Variants in DNAH5 observed in about 807,000 individuals in gnomAD.
DNAH5 encodes the protein axonemal beta dynein heavy chain 5.
A neutral mutation model predicts 518.2 loss-of-function variants in DNAH5; 372 were observed. The ratio of observed to expected loss-of-function variants is 0.72; its 90% CI spans 0.66 to 0.78. The LOEUF (loss-of-function observed/expected upper bound fraction) is 0.78, where lower values mean the gene tolerates loss of function less well. Among genes scored for constraint, DNAH5 ranks in the 30% least tolerant of loss-of-function variants. The pLI is 0.00. For missense variants in DNAH5, 5,523 were observed against 5,687.0 expected (o/e 0.97, Z 0.93); for synonymous variants, 2,039 against 2,025.9 (o/e 1.01, Z -0.17).
rs1192192730 is a variant in DNAH5, at chr5:13,707,840, G to A, written c.13338+283C>T. On this transcript the variant is annotated intron_variant, in intron 76 of 78. Coordinates refer to ENST00000265104, the MANE Select transcript of DNAH5 (RefSeq NM_001369.3). This position sits in a 1 kb window ranked among gnomAD's most constrained non-coding sequence, Gnocchi z 4.0. ...TGTAATCTGAGAAAAGACTTAACCT[G>A]TCCCAAACTTAAGTTTCTCATCTGT... Among the ~76,000 whole-genome samples, 1 of 151,992 alleles carries A rather than the reference G, an allele frequency of 6.6e-6. No homozygotes were observed. Among genetic ancestry groups the A allele is most frequent in the African/African-American group, 2.4e-5 (1 of 41,350 alleles).
chr5:13,810,427 A>G, intron 44 of DNAH5, 167 bp from the exon 45 acceptor site: 1 of 696,866 alleles, frequency 1.4e-6, no homozygotes, highest in Non-Finnish European at 2.5e-6. Flanking sequence ...GATCTCTGAG[A>G]ATAGCAAGCT....
chr5:13,753,290 A>G lies in DNAH5; in HGVS notation c.10815T>C (p.Asp3605=), dbSNP rs766065979. The G allele has an allele frequency of 6.2e-7, 1 of 1,612,642 alleles. No individual in the cohort carries two copies. Among genetic ancestry groups the G allele is most frequent in the Non-Finnish European group, 8.5e-7 (1 of 1,178,634 alleles). The part of the protein sequence containing the change: ...TKASRYPLLI[D]PQTQGKIWIK... ...TCCAGATCTTGCCTTGAGTCTGTGG[A>G]TCAATTAACAAAGGGTAACGAGATG... Residue 3605 remains aspartate, a synonymous_variant, in exon 63 of 79, where the codon GAT becomes GAC. Coordinates refer to ENST00000265104, the MANE Select transcript of DNAH5 (RefSeq NM_001369.3).
chr5:13,973,337 C>A (rs558934413), intron 1 of DNAH5, among the ~76,000 whole-genome samples: 1 of 152,304 alleles, frequency 6.6e-6, no homozygotes, highest in East Asian at 1.9e-4. Flanking sequence ...GCCCTCTAAC[C>A]ACTGTATGAG....
intron 38 of DNAH5, among the ~76,000 whole-genome samples, chr5:13,828,215 G>T (rs935196829): frequency 6.6e-6 from 1 of 152,184 alleles, no homozygotes; most frequent in African/African-American, 2.4e-5. Context: ...CATAGGAAAA[G>T]AACTTTTTAG....
chr5:13,812,868 T>C (rs544598994), intron 43 of DNAH5, among the ~76,000 whole-genome samples: 1 of 152,270 alleles, frequency 6.6e-6, no homozygotes, highest in African/African-American at 2.4e-5. Flanking sequence ...AAGAAACAAT[T>C]AGAGACTCTG....
At chr5:13,812,098 G>A (rs569977050) in intron 43 of DNAH5, among the ~76,000 whole-genome samples, 116 of 152,264 alleles carry the variant, frequency 7.6e-4, no homozygotes, top group African/African-American at 2.8e-3. Flanking sequence ...GGAGCCCACT[G>A]CAAGCAGGTG....
chr5:13,744,376 A>G (rs1749042212), intron 65 of DNAH5, among the ~76,000 whole-genome samples: 1 of 151,948 alleles, frequency 6.6e-6, no homozygotes, highest in African/African-American at 2.4e-5. Flanking sequence ...ATTTGTTAAG[A>G]TACAAAATTA....
Position 13,769,923 on chromosome 5 carries a change from A to G in DNAH5, c.9606-308T>C, listed in dbSNP as rs1314949674. Among the ~76,000 whole-genome samples, 17 of 152,266 alleles carry G rather than the reference A, an allele frequency of 1.1e-4. 1 individual carries two copies. The highest frequency in any genetic ancestry group is 2.5e-4 in the Non-Finnish European group (17 of 68,046). ...AACATACTTAATGACATTAGGCTAA[A>G]TGACAATAGACTTCAAATGCTTAAA... On this transcript the variant is annotated intron_variant, in intron 56 of 78. Coordinates refer to ENST00000265104, the MANE Select transcript of DNAH5 (RefSeq NM_001369.3).
intron 30 of DNAH5, 45 bp downstream of exon 30, chr5:13,859,407 C>A: frequency 6.2e-7 from 1 of 1,609,518 alleles, no homozygotes; most frequent in Non-Finnish European, 8.5e-7. Context: ...GCTCTGAGAG[C>A]TTTCTCTGAA....
intron 40 of DNAH5, among the ~76,000 whole-genome samples, chr5:13,821,210 G>A (rs1762197450): frequency 6.6e-6 from 1 of 152,080 alleles, no homozygotes; most frequent in Non-Finnish European, 1.5e-5. Flanking sequence ...ATATTCGATT[G>A]AATGAACCTC....
chr5:13,943,270 G>A (rs1779627891), intron 1 of DNAH5, among the ~76,000 whole-genome samples: 1 of 152,220 alleles, frequency 6.6e-6, no homozygotes, highest in East Asian at 1.9e-4. Flanking sequence ...ACCAAGCTCT[G>A]TGTTAAAGGA....
chr5:13,701,624 T>C (rs985921375), intron 76 of DNAH5, among the ~76,000 whole-genome samples, 188 bp from the exon 77 acceptor site: 2 of 152,316 alleles, frequency 1.3e-5, no homozygotes, highest in Middle Eastern at 3.4e-3. Context: ...TCCTTAATAA[T>C]AGTAATGCTA....
intron 31 of DNAH5, among the ~76,000 whole-genome samples, chr5:13,847,111 T>C (rs537087018): frequency 6.6e-6 from 1 of 152,322 alleles, no homozygotes; most frequent in South Asian, 2.1e-4. Context: ...ATACCTTATC[T>C]TCACGGACAC....
At position 13,913,782 on chromosome 5, in the gene DNAH5, G is replaced by A. The variant is rs748092667; in HGVS notation, c.1497C>T (p.Ser499=). The change falls in exon 11 of 79, where the codon TCC becomes TCT. Residue 499 remains serine (S), a synonymous_variant. Transcript: ENST00000265104. ...CCATGTCTTCCAGCCCTTCAATTGT[G>A]GAATCTTGCAGGACTGAATACGTCT... ...TLKTYSVLQD[S]TIEGLEDMAT... is the part of the protein sequence containing the mutation. The A allele has an allele frequency of 1.2e-6, 2 of 1,613,448 alleles. No individual in the cohort carries two copies. Among genetic ancestry groups the A allele is most frequent in the Non-Finnish European group, 1.7e-6 (2 of 1,179,464 alleles).
intron 58 of DNAH5, 78 bp from the exon 59 acceptor site, chr5:13,766,257 C>T (rs143435430): frequency 5.4e-6 from 8 of 1,485,758 alleles, no homozygotes; most frequent in Middle Eastern, 4.3e-4. Flanking sequence ...CCAAATGCTG[C>T]TATTTCAACA....
chr5:13,897,689 C>CT (rs1229210067), intron 15 of DNAH5: 1 of 152,226 alleles, frequency 6.6e-6, no homozygotes, highest in Non-Finnish European at 1.5e-5. Flanking sequence ...CTTTGACCAG[C>CT]TACTCAGGTT....
intron 68 of DNAH5, among the ~76,000 whole-genome samples, chr5:13,730,005 T>A (rs1013888552): frequency 6.6e-6 from 1 of 152,242 alleles, no homozygotes; most frequent in Non-Finnish European, 1.5e-5. Flanking sequence ...CAAGCTAATA[T>A]TCAATACACA....
At chr5:13,797,755 G>A (rs147461719) in intron 47 of DNAH5, among the ~76,000 whole-genome samples, 60,780 of 151,600 alleles carry the variant, frequency 0.4, 12,377 homozygotes, top group East Asian at 0.62. Flanking sequence ...ACATGCACAC[G>A]TATGTTTACT....
At chr5:14,000,141 G>T (rs1431242769) in intron 1 of DNAH5, among the ~76,000 whole-genome samples, 2 of 152,018 alleles carry the variant, frequency 1.3e-5, no homozygotes, top group Non-Finnish European at 2.9e-5. Context: ...ACCAAGTTAA[G>T]ATGAGGTCAC....
Sources: gnomAD v4.1 joint callset for allele counts (sites outside exome capture counted in the v4.1 genomes callset) on GRCh38, gnomAD v4.1.1 for gene constraint, Gnocchi (gnomAD v3.1) non-coding constraint, MANE v1.5 for transcripts, NCBI Gene and HGNC (gene_info 2026-07-23, HGNC 2026-07-21) for gene names.